NRXN1: variants seen among roughly 807,000 people sequenced by gnomAD.
NRXN1 encodes the protein neurexin-1.
A neutral mutation model predicts 150.9 loss-of-function variants in NRXN1; 39 were observed. The ratio of observed to expected loss-of-function variants is 0.26; its 90% CI spans 0.20 to 0.34. The LOEUF (loss-of-function observed/expected upper bound fraction) is 0.34. Among genes scored for constraint, NRXN1 ranks in the 10% least tolerant of loss-of-function variants. NRXN1 has a pLI of 1.00. For missense variants in NRXN1, 1,815 were observed against 1,949.9 expected, an observed-to-expected ratio of 0.93 and a Z score of 1.30; for synonymous variants, 924 against 757.0, an observed-to-expected ratio of 1.22 and a Z score of -3.62.
intron 5 of NRXN1, among the ~76,000 whole-genome samples, chr2:50,809,538 T>C (rs1275696186): frequency 2.0e-5 from 3 of 152,142 alleles, no homozygotes; most frequent in East Asian, 3.8e-4. Flanking sequence ...CATAATTATG[T>C]AGAGCAGAGG....
At chr2:50,466,510 A>G (rs1382191378) in intron 16 of NRXN1, 3 of 465,610 alleles carry the variant, frequency 6.4e-6, no homozygotes, top group Admixed American at 2.4e-5. Context: ...AATAAAAAAA[A>G]AAGCAAAATA....
At chr2:50,987,989 A>G (rs1210887891) in intron 2 of NRXN1, among the ~76,000 whole-genome samples, 1 of 152,024 alleles carries the variant, frequency 6.6e-6, no homozygotes, top group Non-Finnish European at 1.5e-5. Flanking sequence ...ATTCTATTCA[A>G]TTCAGAAAAT....
At chr2:50,089,651 A>G (rs936785885) in intron 19 of NRXN1, among the ~76,000 whole-genome samples, 2 of 151,982 alleles carry the variant, frequency 1.3e-5, no homozygotes, top group African/African-American at 4.8e-5. Context: ...TTAGCCAGGC[A>G]TGGTGGTGTG....
intron 5 of NRXN1, among the ~76,000 whole-genome samples, chr2:50,691,855 C>T (rs1199308038): frequency 2.0e-5 from 3 of 152,110 alleles, no homozygotes; most frequent in Admixed American, 6.6e-5. Flanking sequence ...CCCAACAGCT[C>T]CCATTCCCTA....
intron 18 of NRXN1, among the ~76,000 whole-genome samples, chr2:50,135,603 C>T (rs538367983): frequency 6.6e-6 from 1 of 152,176 alleles, no homozygotes; most frequent in Non-Finnish European, 1.5e-5. Context: ...AGGCGGGAGA[C>T]TGGCGTGAAC....
At chr2:50,554,234 A>G (rs1667911693) in intron 8 of NRXN1, among the ~76,000 whole-genome samples, 2 of 152,122 alleles carry the variant, frequency 1.3e-5, no homozygotes, top group Admixed American at 6.6e-5. Context: ...TTTATATAAT[A>G]TATGTAACAG....
At chr2:49,938,338 C>T (rs1026189037) in intron 22 of NRXN1, among the ~76,000 whole-genome samples, 2 of 152,042 alleles carry the variant, frequency 1.3e-5, no homozygotes, top group African/African-American at 2.4e-5. Flanking sequence ...AATGATGGAG[C>T]GCAGAATAAA....
intron 18 of NRXN1, among the ~76,000 whole-genome samples, chr2:50,117,613 C>A (rs1329328326): frequency 6.6e-6 from 1 of 151,946 alleles, no homozygotes; most frequent in African/African-American, 2.4e-5. Flanking sequence ...CACCTTCTAG[C>A]AAAAATCATT....
At chr2:50,368,510 G>A (rs368557522) in intron 17 of NRXN1, among the ~76,000 whole-genome samples, 80 of 152,058 alleles carry the variant, frequency 5.3e-4, no homozygotes, top group African/African-American at 1.9e-3. Flanking sequence ...CAGATCATGA[G>A]AGTAATAATC....
chr2:50,306,429 T>C (rs1055425772), intron 17 of NRXN1, among the ~76,000 whole-genome samples: 1 of 152,206 alleles, frequency 6.6e-6, no homozygotes, highest in African/African-American at 2.4e-5. Context: ...CCTTTTGTCT[T>C]TAACTTAGCA....
At chr2:50,430,421 G>T (rs533730627) in intron 17 of NRXN1, among the ~76,000 whole-genome samples, 56 of 152,316 alleles carry the variant, frequency 3.7e-4, no homozygotes, top group African/African-American at 1.3e-3. Context: ...TGTCTGACCA[G>T]TCCCACACAA....
At chr2:50,973,018 G>A (rs1228044172) in intron 2 of NRXN1, among the ~76,000 whole-genome samples, 1 of 152,078 alleles carries the variant, frequency 6.6e-6, no homozygotes, top group Non-Finnish European at 1.5e-5. Context: ...ATTCCACATG[G>A]CAATCTGTAC....
At chr2:50,224,452 A>G (rs987760482) in intron 18 of NRXN1, among the ~76,000 whole-genome samples, 3 of 151,944 alleles carry the variant, frequency 2.0e-5, no homozygotes, top group Admixed American at 6.6e-5. Context: ...AGTACACTCT[A>G]AAGAGTATTG....
chr2:50,381,911 T>C (rs2080998825), intron 17 of NRXN1, among the ~76,000 whole-genome samples: 1 of 152,100 alleles, frequency 6.6e-6, no homozygotes, highest in Non-Finnish European at 1.5e-5. Flanking sequence ...ACAGTAGGAA[T>C]GATTTAAGAT....
chr2:50,371,621 G>A (rs1316688564), intron 17 of NRXN1, among the ~76,000 whole-genome samples: 1 of 151,896 alleles, frequency 6.6e-6, no homozygotes, highest in Non-Finnish European at 1.5e-5. Flanking sequence ...AGTTTCAAGG[G>A]AAGGATGAAC....
At chr2:50,723,794 G>A (rs1187659518) in intron 5 of NRXN1, among the ~76,000 whole-genome samples, 1 of 152,190 alleles carries the variant, frequency 6.6e-6, no homozygotes, top group African/African-American at 2.4e-5. Context: ...ACTGTTTCTG[G>A]AGAGGCCTCT....
intron 18 of NRXN1, among the ~76,000 whole-genome samples, chr2:50,187,882 T>C (rs1261292048): frequency 1.3e-5 from 2 of 152,116 alleles, no homozygotes; most frequent in East Asian, 1.9e-4. Context: ...GGCACTTTGT[T>C]TGTCTATTGC....
intron 2 of NRXN1, among the ~76,000 whole-genome samples, chr2:51,004,145 G>A (rs931023584): frequency 5.3e-5 from 8 of 151,660 alleles, no homozygotes; most frequent in Non-Finnish European, 7.4e-5. Flanking sequence ...CCAAGTTTGG[G>A]GTCTAGCCAA....
At chr2:50,169,070 T>C (rs947038378) in intron 18 of NRXN1, among the ~76,000 whole-genome samples, 1 of 152,232 alleles carries the variant, frequency 6.6e-6, no homozygotes, top group Non-Finnish European at 1.5e-5. Context: ...TAGCTCATAT[T>C]GAGCAAGTAC....
Sources: gnomAD v4.1 joint callset for allele counts (sites outside exome capture counted in the v4.1 genomes callset) on GRCh38, gnomAD v4.1.1 for gene constraint, MANE v1.5 for transcripts, NCBI Gene and HGNC (gene_info 2026-07-23, HGNC 2026-07-21) for gene names.